Variants in CTNNA3 observed in about 807,000 individuals in gnomAD.
The protein encoded by CTNNA3 is catenin alpha 3, also known as catenin alpha-3.
A neutral mutation model predicts 95.7 loss-of-function variants in CTNNA3; 76 were observed. The ratio of observed to expected loss-of-function variants is 0.79; its 90% CI spans 0.66 to 0.96. The LOEUF (loss-of-function observed/expected upper bound fraction) is 0.96. CTNNA3 is among the 40% of genes least tolerant of loss of function. The pLI is 0.00. For synonymous variants in CTNNA3, 431 were observed against 374.4 expected (o/e 1.15, Z -1.74); for missense variants, 1,191 against 1,089.8 (o/e 1.09, Z -1.31).
chr10:66,681,546 C>A (rs190683077), intron 9 of CTNNA3, among the ~76,000 whole-genome samples: 1 of 152,254 alleles, frequency 6.6e-6, no homozygotes, highest in East Asian at 1.9e-4. Context: ...ATATCGGAGT[C>A]CTGGCCTAAA....
intron 1 of CTNNA3, among the ~76,000 whole-genome samples, chr10:67,755,296 T>C (rs770075492): frequency 2.0e-5 from 3 of 151,880 alleles, no homozygotes; most frequent in African/African-American, 7.3e-5. Context: ...TACAATGAGA[T>C]ATCATCTCAC....
intron 7 of CTNNA3, among the ~76,000 whole-genome samples, chr10:67,085,178 A>AT (rs1857232173): frequency 6.6e-6 from 1 of 151,942 alleles, no homozygotes; most frequent in Non-Finnish European, 1.5e-5. Context: ...AACACCTCAC[A>AT]TTTTTTATGT....
chr10:67,030,629 T>A (rs1242150692), intron 7 of CTNNA3, among the ~76,000 whole-genome samples: 1 of 152,170 alleles, frequency 6.6e-6, no homozygotes, highest in East Asian at 1.9e-4. Flanking sequence ...ATTATGTAGA[T>A]CAATATATTT....
At chr10:66,528,874 G>C (rs988114526) in intron 10 of CTNNA3, among the ~76,000 whole-genome samples, 4 of 149,964 alleles carry the variant, frequency 2.7e-5, no homozygotes, top group African/African-American at 1.0e-4. Context: ...TTTTAGAGGT[G>C]ATCAAGAGTG....
At chr10:66,328,931 T>TA (rs2092291147) in intron 12 of CTNNA3, among the ~76,000 whole-genome samples, 1 of 119,974 alleles carries the variant, frequency 8.3e-6, no homozygotes, top group Non-Finnish European at 1.8e-5. Flanking sequence ...TATATATATA[T>TA]ATACACACAC....
chr10:66,167,336 A>G (rs1488087043), intron 13 of CTNNA3, among the ~76,000 whole-genome samples: 2 of 152,198 alleles, frequency 1.3e-5, no homozygotes, highest in Admixed American at 1.3e-4. Flanking sequence ...GAATTGAAGC[A>G]GTTAGAAAAA....
At chr10:66,959,205 A>C (rs910111709) in intron 7 of CTNNA3, among the ~76,000 whole-genome samples, 1 of 152,168 alleles carries the variant, frequency 6.6e-6, no homozygotes, top group Non-Finnish European at 1.5e-5. Context: ...ACTTTTTGAC[A>C]ATCTTTTATT....
chr10:67,208,590 A>G (rs1864007853), intron 6 of CTNNA3, among the ~76,000 whole-genome samples: 1 of 152,084 alleles, frequency 6.6e-6, no homozygotes, highest in African/African-American at 2.4e-5. Context: ...AAGCCACAAG[A>G]CTCATCCAGA....
chr10:67,648,792 A>G, intron 1 of CTNNA3: 2 of 1,289,592 alleles, frequency 1.6e-6, no homozygotes, highest in Non-Finnish European at 2.0e-6. Flanking sequence ...AAGTAGAAAC[A>G]TGGTCTCTTT....
intron 12 of CTNNA3, among the ~76,000 whole-genome samples, chr10:66,294,883 GGACAGA>G (rs966631510): frequency 9.3e-5 from 11 of 118,468 alleles, no homozygotes; most frequent in Non-Finnish European, 1.4e-4. Flanking sequence ...TAGACAGTCA[GGACAGA>G]GAGAGAGAGA....
chr10:66,718,628 T>A (rs562290050), intron 9 of CTNNA3, among the ~76,000 whole-genome samples: 2 of 149,096 alleles, frequency 1.3e-5, no homozygotes, highest in South Asian at 4.2e-4. Context: ...TATAATTAAA[T>A]ATAATAATAT....
At chr10:66,078,896 C>T (rs1252331691) in intron 14 of CTNNA3, 2 of 151,874 alleles carry the variant, frequency 1.3e-5, no homozygotes, top group African/African-American at 2.4e-5. Flanking sequence ...CTTTAAGATG[C>T]TATTCAGTGC....
chr10:67,330,638 C>T, intron 5 of CTNNA3, among the ~76,000 whole-genome samples: 1 of 151,982 alleles, frequency 6.6e-6, no homozygotes, highest in East Asian at 1.9e-4. Context: ...GTGAGTCCTG[C>T]TGCCACCCCA....
At chr10:67,262,694 A>G (rs1439777169) in intron 5 of CTNNA3, among the ~76,000 whole-genome samples, 5 of 152,180 alleles carry the variant, frequency 3.3e-5, no homozygotes, top group Non-Finnish European at 7.4e-5. Flanking sequence ...TTTGGCGGGG[A>G]AAAATCCCTG....
chr10:66,004,668 A>G (rs1488997182), intron 15 of CTNNA3, among the ~76,000 whole-genome samples: 1 of 152,326 alleles, frequency 6.6e-6, no homozygotes, highest in East Asian at 1.9e-4. Flanking sequence ...ACATCTAAAG[A>G]GCACAGCTGT....
At chr10:66,979,575 C>T (rs1850292013) in intron 7 of CTNNA3, among the ~76,000 whole-genome samples, 1 of 152,072 alleles carries the variant, frequency 6.6e-6, no homozygotes, top group African/African-American at 2.4e-5. Context: ...GCCATGCGAC[C>T]TGGAAGAATT....
At chr10:66,581,972 C>T (rs1843203848) in intron 10 of CTNNA3, among the ~76,000 whole-genome samples, 1 of 151,574 alleles carries the variant, frequency 6.6e-6, no homozygotes, top group African/African-American at 2.4e-5. Context: ...AAGTATTTGG[C>T]TTTATTTCTG....
chr10:66,914,438 A>C (rs1407221210), intron 7 of CTNNA3, among the ~76,000 whole-genome samples: 2 of 152,082 alleles, frequency 1.3e-5, no homozygotes, highest in Non-Finnish European at 2.9e-5. Flanking sequence ...TGAACACAGA[A>C]GAATCTTAAC....
At chr10:66,778,763 G>A (rs774738344) in intron 7 of CTNNA3, among the ~76,000 whole-genome samples, 2 of 152,140 alleles carry the variant, frequency 1.3e-5, no homozygotes, top group Admixed American at 6.5e-5. Flanking sequence ...ATCACCTGAG[G>A]TCAGGAGTTC....
Sources: gnomAD v4.1 joint callset for allele counts (sites outside exome capture counted in the v4.1 genomes callset) on GRCh38, gnomAD v4.1.1 for gene constraint, MANE v1.5 for transcripts, NCBI Gene and HGNC (gene_info 2026-07-23, HGNC 2026-07-21) for gene names.